ZNF785: variants seen among roughly 807,000 people sequenced by gnomAD.
The protein encoded by ZNF785 is zinc finger protein 785.
In ZNF785, 15 loss-of-function variants were observed where a neutral mutation model predicts 11.3. The ratio of observed to expected loss-of-function variants is 1.32; its 90% CI spans 0.89 to 2.04. The LOEUF (loss-of-function observed/expected upper bound fraction) is 2.04. Among genes scored for constraint, ZNF785 ranks in the 30% most tolerant of loss-of-function variants. The pLI is 0.00. For synonymous variants in ZNF785, 221 were observed against 231.0 expected, an observed-to-expected ratio of 0.96 and a Z score of 0.39; for missense variants, 572 against 560.9, an observed-to-expected ratio of 1.02 and a Z score of -0.20.
chr16:30,585,098 C>G lies in ZNF785; in HGVS notation c.334+24G>C, dbSNP rs2051872092. On this transcript the variant is annotated intron_variant, in intron 2 of 2. Coordinates refer to ENST00000395216, the MANE Select transcript of ZNF785 (RefSeq NM_152458.7). This position sits in a 1 kb window ranked among gnomAD's most constrained non-coding sequence, Gnocchi z 4.0. ...GGGGGCGGGGGTTGGGGCTTCTCCA[C>G]GGCTACTTATCCAAATGAAGTACCT... 1 of 1,594,378 alleles carries G rather than the reference C, an allele frequency of 6.3e-7. No individual in the cohort carries two copies. Among genetic ancestry groups the G allele is most frequent in the Non-Finnish European group, 8.6e-7 (1 of 1,166,760 alleles).
chr16:30,585,309 C>A lies in ZNF785; in HGVS notation c.206-59G>T. 6.3e-7 allele frequency: 1 copy of A among 1,592,018 alleles called. No individual in the cohort carries two copies. Among genetic ancestry groups the A allele is most frequent in the Non-Finnish European group, 8.5e-7 (1 of 1,170,160 alleles). On this transcript the variant is annotated intron_variant, in intron 1 of 2. Transcript: ENST00000395216. The surrounding 1 kb of genome is among the most constrained non-coding windows in gnomAD (Gnocchi z 4.0). ...CACGGGAGGGGAGAATGAGACTGCTCCCTCGGCGCCCCGCTTCCAGCCCAC... is the reference window on the plus strand; with the variant it reads ...CACGGGAGGGGAGAATGAGACTGCTACCTCGGCGCCCCGCTTCCAGCCCAC...
At position 30,585,424 on chromosome 16, in the gene ZNF785, C is replaced by T. The variant is rs1161299174; in HGVS notation, c.188G>A (p.Gly63Asp). The change falls in exon 1 of 3, where the codon GGC (glycine) becomes GAC (aspartate). Residue 63 changes from glycine to aspartate, a missense_variant. Gly to Asp is a moderately conservative substitution (Grantham distance 94, BLOSUM62 -1). Coordinates refer to ENST00000395216, the MANE Select transcript of ZNF785 (RefSeq NM_152458.7). The surrounding 1 kb of genome is among the most constrained non-coding windows in gnomAD (Gnocchi z 4.0). The stretch of plus-strand genomic sequence containing the variant: ...GGCCTCACCCAGCGCGCCCAGGTGG[C>T]CGAAGGTCTCCCGCATCACGTCCCG... The part of the protein sequence containing the change: ...LYRDVMRETF[G>D]HLGALGFSVP... The T allele has an allele frequency of 1.9e-6, 3 of 1,593,340 alleles. No individual in the cohort carries two copies. In the South Asian group the frequency reaches 3.4e-5, roughly 18 times the overall value.
chr16:30,585,300 G>C lies in ZNF785; in HGVS notation c.206-50C>G. 6.2e-7 allele frequency: 1 copy of C among 1,603,610 alleles called. No individual in the cohort carries two copies. Among genetic ancestry groups the C allele is most frequent in the Non-Finnish European group, 8.5e-7 (1 of 1,175,086 alleles). On this transcript the variant is annotated intron_variant, in intron 1 of 2. Transcript: ENST00000395216. This position sits in a 1 kb window ranked among gnomAD's most constrained non-coding sequence, Gnocchi z 4.0. ...GGCTGAGCGCACGGGAGGGGAGAATGAGACTGCTCCCTCGGCGCCCCGCTT... is the reference window on the plus strand; with the variant it reads ...GGCTGAGCGCACGGGAGGGGAGAATCAGACTGCTCCCTCGGCGCCCCGCTT...
In ZNF785 at chr16:30,581,787, G is replaced by A. The variant is rs1414288650; in HGVS notation, c.*773C>T. ...CCTTGCCAGATGTTTCACCTGCATT[G>A]GTAAAAGGCAGAATCCTCGGCAGGG... On this transcript the variant is annotated 3_prime_UTR_variant, in exon 3 of 3. Coordinates refer to ENST00000395216, the MANE Select transcript of ZNF785 (RefSeq NM_152458.7). 6.6e-6 allele frequency: 1 copy of A among 152,106 alleles called. No homozygotes were observed. Among genetic ancestry groups the A allele is most frequent in the Admixed American group, 6.6e-5 (1 of 15,264 alleles). 9.4% of individuals were successfully genotyped at this position (152,106 alleles called of 1,614,324 possible). A position where few individuals can be genotyped will look rare whatever the true frequency, so the allele number is the denominator to read the frequency against.
rs1462725413 is a variant in ZNF785 at position 30,585,307 on chromosome 16, C to G, written c.206-57G>C. The stretch of plus-strand genomic sequence containing the variant: ...CGCACGGGAGGGGAGAATGAGACTG[C>G]TCCCTCGGCGCCCCGCTTCCAGCCC... On this transcript the variant is annotated intron_variant, in intron 1 of 2. Transcript: ENST00000395216. The surrounding 1 kb of genome is among the most constrained non-coding windows in gnomAD (Gnocchi z 4.0). 6.3e-7 allele frequency: 1 copy of G among 1,596,604 alleles called. No homozygotes were observed. Among genetic ancestry groups the G allele is most frequent in the South Asian group, 1.1e-5 (1 of 89,542 alleles).
At chr16:30,579,781 T>A (rs897450311), downstream of ZNF785, 1 of 455,940 alleles carries the variant, frequency 2.2e-6, no homozygotes, top group Non-Finnish European at 4.4e-6. Context: ...GCAGAAATGC[T>A]TAGTCCCACC....
chr16:30,579,056 G>T (rs1325846555), downstream of ZNF785: 3 of 152,088 alleles, frequency 2.0e-5, no homozygotes, highest in African/African-American at 7.2e-5. Flanking sequence ...CTCCCAAAGT[G>T]CTGGGATTAC....
At chr16:30,584,817 G>T (rs967590691) in intron 2 of ZNF785, among the ~76,000 whole-genome samples, 2 of 152,124 alleles carry the variant, frequency 1.3e-5, no homozygotes, top group African/African-American at 4.8e-5. Context: ...TATCCAAGAG[G>T]AACATCTGTC....
In ZNF785 at chr16:30,582,266, A is replaced by G. The variant is rs1312870590; in HGVS notation, c.*294T>C. The G allele has an allele frequency of 1.4e-5, 6 of 428,954 alleles. No homozygotes were observed. In the East Asian group the frequency reaches 2.4e-4, roughly 17 times the overall value. 26.6% of individuals were successfully genotyped at this position (428,954 alleles called of 1,614,324 possible). The stretch of plus-strand genomic sequence containing the variant: ...GATACAGGCCAAAAAGCAGAGAGCT[A>G]CAAGGGAGAGAACAATCATGAAGGA... On this transcript the variant is annotated 3_prime_UTR_variant, in exon 3 of 3. Transcript: ENST00000395216.
chr16:30,585,183 C>T lies in ZNF785; in HGVS notation c.273G>A (p.Glu91=). Residue 91 remains glutamate (E), a synonymous_variant, in exon 2 of 3, where the codon GAG becomes GAA. Coordinates refer to ENST00000395216, the MANE Select transcript of ZNF785 (RefSeq NM_152458.7). The surrounding 1 kb of genome is among the most constrained non-coding windows in gnomAD (Gnocchi z 4.0). ...VEGEVEAWSP[E]AQDPDGESSA... ...AGCTCTCACCGTCGGGATCCTGGGC[C>T]TCCGGGCTCCACGCCTCCACTTCTC... The T allele has an allele frequency of 6.2e-7, 1 of 1,614,062 alleles. No individual in the cohort carries two copies. The highest frequency in any genetic ancestry group is 2.2e-5 in the East Asian group (1 of 44,896).
Position 30,583,040 on chromosome 16 carries a change from G to C in ZNF785, c.738C>G (p.His246Gln). Reference sequence around the variant, plus strand: ...GCTTCTCCCCGGTGTGAGCCCGCCTGTGGATAGCCAGGGAACCCCTCTGGC... The same window carrying C: ...GCTTCTCCCCGGTGTGAGCCCGCCTCTGGATAGCCAGGGAACCCCTCTGGC... ...RFRQRGSLAI[H>Q]RRAHTGEKPY... is the part of the protein sequence containing the mutation. The change falls in exon 3 of 3, where the codon CAC becomes CAG. Residue 246 changes from histidine (H) to glutamine (Q), a missense_variant. Physicochemically the swap from His to Gln is conservative, Grantham distance 24. Transcript: ENST00000395216. The C allele has an allele frequency of 6.2e-7, 1 of 1,614,096 alleles. No individual in the cohort carries two copies. Among genetic ancestry groups the C allele is most frequent in the Middle Eastern group, 1.6e-4 (1 of 6,062 alleles).
In ZNF785 at chr16:30,581,913, CCG is replaced by C. The variant is rs2051815403; in HGVS notation, c.*645_*646del. 1 of 152,272 alleles carries C rather than the reference CCG, an allele frequency of 6.6e-6. No homozygotes were observed. The highest frequency in any genetic ancestry group is 2.1e-4 in the South Asian group (1 of 4,832). 9.4% of individuals were successfully genotyped at this position (152,272 alleles called of 1,614,324 possible). ...CCAGCCTGGCCAAGATGGTGGAACCCCGTCTCTACTAACAGCACAAAAATTAG... is the reference window on the plus strand; with the variant it reads ...CCAGCCTGGCCAAGATGGTGGAACCCTCTCTACTAACAGCACAAAAATTAG... On this transcript the variant is annotated 3_prime_UTR_variant, in exon 3 of 3. Coordinates refer to ENST00000395216, the MANE Select transcript of ZNF785 (RefSeq NM_152458.7).
At position 30,584,704 on chromosome 16, in the gene ZNF785, G is replaced by C. The variant is rs75072282; in HGVS notation, c.334+418C>G. Among the ~76,000 whole-genome samples the C allele has an allele frequency of 1.6e-4, 25 of 152,202 alleles. No individual in the cohort carries two copies. The East Asian group carries it at 4.6e-3, about 28-fold the overall frequency. Reference sequence around the variant, plus strand: ...TAGGTTCCACGGGAAGACCTTCTGGGAACAAGCATTTATTCTGGTATCAGG... The same window carrying C: ...TAGGTTCCACGGGAAGACCTTCTGGCAACAAGCATTTATTCTGGTATCAGG... On this transcript the variant is annotated intron_variant, in intron 2 of 2. Transcript: ENST00000395216.
downstream of ZNF785, chr16:30,579,741 A>G: frequency 2.2e-6 from 1 of 452,024 alleles, no homozygotes; most frequent in Non-Finnish European, 4.4e-6. Context: ...TCAAAGAGAT[A>G]TTTGAGTCAC....
rs1374535123 is a variant in ZNF785 at position 30,585,494 on chromosome 16, G to T, written c.118C>A (p.Pro40Thr). The T allele has an allele frequency of 6.2e-7, 1 of 1,601,944 alleles. No homozygotes were observed. Among genetic ancestry groups the T allele is most frequent in the African/African-American group, 1.3e-5 (1 of 74,822 alleles). ...SFADVAVYFS[P>T]EEWECLRPAQ... ...GGCCGCAGGCATTCCCACTCCTCGGGAGAGAAGTACACGGCCACGTCCGCG... is the reference window on the plus strand; with the variant it reads ...GGCCGCAGGCATTCCCACTCCTCGGTAGAGAAGTACACGGCCACGTCCGCG... Residue 40 changes from proline (P) to threonine (T), a missense_variant, in exon 1 of 3, where the codon CCC becomes ACC. Physicochemically the swap from Pro to Thr is conservative, Grantham distance 38 (BLOSUM62 -1). Transcript: ENST00000395216. The surrounding 1 kb of genome is among the most constrained non-coding windows in gnomAD (Gnocchi z 4.0).
At position 30,582,589 on chromosome 16, in the gene ZNF785, A is replaced by G. The variant is rs757283543; in HGVS notation, c.1189T>C (p.Phe397Leu). The G allele has an allele frequency of 5.0e-6, 8 of 1,613,980 alleles. No individual in the cohort carries two copies. The East Asian group carries it at 1.6e-4, about 31-fold the overall frequency. Residue 397 changes from phenylalanine to leucine, a missense_variant, in exon 3 of 3, where the codon TTT (phenylalanine) becomes CTT (leucine). Phe to Leu is a conservative substitution (Grantham distance 22). Transcript: ENST00000395216. ...CCACACTCTTGAAATATATCTGGAAAGTGCCGGAAGTGAACTGGGGGATCC... is the reference window on the plus strand; with the variant it reads ...CCACACTCTTGAAATATATCTGGAAGGTGCCGGAAGTGAACTGGGGGATCC... ...GKDPPVHFRH[F>L]PDIFQECG
At chr16:30,584,767 A>T (rs1481100619) in intron 2 of ZNF785, among the ~76,000 whole-genome samples, 1 of 152,242 alleles carries the variant, frequency 6.6e-6, no homozygotes, top group Admixed American at 6.5e-5. Flanking sequence ...TAAAAATCTA[A>T]TTAATGGTGT....
At position 30,582,016 on chromosome 16, in the gene ZNF785, C is replaced by G. The variant is rs1396201033; in HGVS notation, c.*544G>C. The G allele has an allele frequency of 6.5e-6, 1 of 153,258 alleles. No homozygotes were observed. The highest frequency in any genetic ancestry group is 1.4e-5 in the Non-Finnish European group (1 of 69,022). 9.5% of individuals were successfully genotyped at this position (153,258 alleles called of 1,614,324 possible). ...CAGAGAATGGCTTGAACCCAGGAGG[C>G]AGAGGTTGCAGTGAGCCGAGATCAC... On this transcript the variant is annotated 3_prime_UTR_variant, in exon 3 of 3. Transcript: ENST00000395216.
Position 30,585,466 on chromosome 16 carries a change from G to T in ZNF785, c.146C>A (p.Ala49Glu), listed in dbSNP as rs1257086491. 17 of 1,603,310 alleles carry T rather than the reference G, an allele frequency of 1.1e-5. No homozygotes were observed. The highest frequency in any genetic ancestry group is 1.4e-5 in the Non-Finnish European group (17 of 1,175,574). ...SPEEWECLRP[A>E]QRALYRDVMR... The stretch of plus-strand genomic sequence containing the variant: ...CACGTCCCGGTACAGGGCCCTCTGC[G>T]CTGGCCGCAGGCATTCCCACTCCTC... Residue 49 changes from alanine (A) to glutamate (E), a missense_variant, in exon 1 of 3, where the codon GCG becomes GAG. Physicochemically the swap from Ala to Glu is moderately radical, Grantham distance 107. Transcript: ENST00000395216. This position sits in a 1 kb window ranked among gnomAD's most constrained non-coding sequence, Gnocchi z 4.0.
Sources: allele counts gnomAD v4.1 joint callset (sites outside exome capture counted in the v4.1 genomes callset), GRCh38; gene constraint gnomAD v4.1.1; non-coding constraint Gnocchi (gnomAD v3.1); transcripts MANE v1.5; gene names NCBI Gene and HGNC (gene_info 2026-07-23, HGNC 2026-07-21).